STK10: variants seen among roughly 807,000 people sequenced by gnomAD.
STK10 encodes the protein serine/threonine-protein kinase 10.
In STK10, 78 loss-of-function variants were observed where a neutral mutation model predicts 113.8. That is an observed-to-expected ratio of 0.69 (90% confidence interval 0.57 to 0.83). STK10 has a LOEUF of 0.83. STK10 is among the 40% of genes least tolerant of loss of function. STK10 has a pLI of 0.00. For missense variants in STK10, 1,109 were observed against 1,280.1 expected (o/e 0.87, Z 2.04); for synonymous variants, 465 against 494.7 (o/e 0.94, Z 0.80).
At chr5:172,135,499 G>A (rs972388897) in intron 2 of STK10, among the ~76,000 whole-genome samples, 7 of 152,056 alleles carry the variant, frequency 4.6e-5, no homozygotes, top group Non-Finnish European at 7.4e-5. Context: ...GAGACAGAGC[G>A]AGACTCCATC....
rs1581141906 is a variant in STK10 at position 172,074,352 on chromosome 5, C to T, written c.1989+7974G>A. On this transcript the variant is annotated intron_variant, in intron 12 of 18. Transcript: ENST00000176763. ...ATTGGTGAAGGACAGACAAATAGAT[C>T]GGTGAAACAGCAGAGAATCCAGAAA... Among the ~76,000 whole-genome samples the T allele has an allele frequency of 2.6e-5, 4 of 152,120 alleles. No individual in the cohort carries two copies. In the South Asian group the frequency reaches 8.3e-4, roughly 32 times the overall value.
Position 172,047,129 on chromosome 5 carries a change from T to A in STK10, c.2767-2107A>T, listed in dbSNP as rs148892731. Among the ~76,000 whole-genome samples the A allele has an allele frequency of 6.0e-3, 920 of 152,346 alleles. 8 individuals are homozygous for A. Among genetic ancestry groups the A allele is most frequent in the African/African-American group, 0.02 (823 of 41,574 alleles). ...CAGGCTGCTGACCGTAATGCAAGAATGTAAAAGACCATTTATTCTCGAATG... is the reference window on the plus strand; with the variant it reads ...CAGGCTGCTGACCGTAATGCAAGAAAGTAAAAGACCATTTATTCTCGAATG... On this transcript the variant is annotated intron_variant, in intron 18 of 18. Coordinates refer to ENST00000176763, the MANE Select transcript of STK10 (RefSeq NM_005990.4).
chr5:172,086,845 G>A (rs1473262997), intron 10 of STK10, among the ~76,000 whole-genome samples: 1 of 152,190 alleles, frequency 6.6e-6, no homozygotes, highest in Non-Finnish European at 1.5e-5. Flanking sequence ...TTTTGACCCT[G>A]AGTAGCACAC....
chr5:172,184,799 C>T (rs937050210), intron 1 of STK10, among the ~76,000 whole-genome samples: 2 of 151,966 alleles, frequency 1.3e-5, no homozygotes, highest in Non-Finnish European at 2.9e-5. Flanking sequence ...TTATAGGGCA[C>T]GCGCCACCAC....
intron 16 of STK10, 62 bp downstream of exon 16, chr5:172,055,526 C>T (rs1018140897): frequency 5.6e-5 from 75 of 1,337,166 alleles, no homozygotes; most frequent in Non-Finnish European, 6.7e-5. Flanking sequence ...GCCCAGGTCC[C>T]GCCAAACCTG....
intron 17 of STK10, among the ~76,000 whole-genome samples, chr5:172,053,982 C>T (rs562395962): frequency 1.3e-5 from 2 of 152,302 alleles, no homozygotes; most frequent in East Asian, 1.9e-4. Flanking sequence ...AGAGCCGTGC[C>T]GGGCAGGCCT....
chr5:172,125,187 C>T (rs972693605), intron 3 of STK10, among the ~76,000 whole-genome samples: 3 of 152,302 alleles, frequency 2.0e-5, no homozygotes, highest in African/African-American at 4.8e-5. Context: ...CTGGCTCTTT[C>T]GGCATCTGCA....
rs1767388996 is a variant in STK10, at chr5:172,042,237, A to G, written c.*2645T>C. The stretch of plus-strand genomic sequence containing the variant: ...AGTTAGTTACATTTACTCTAAAACC[A>G]GACAGAGGAAAAAAACCCAGTTCTG... On this transcript the variant is annotated 3_prime_UTR_variant, in exon 19 of 19. Coordinates refer to ENST00000176763, the MANE Select transcript of STK10 (RefSeq NM_005990.4). 6.5e-6 allele frequency: 1 copy of G among 152,672 alleles called. No individual in the cohort carries two copies. Among genetic ancestry groups the G allele is most frequent in the South Asian group, 2.1e-4 (1 of 4,836 alleles). The allele number at this position is 152,672 out of a possible 1,614,324, so 9.5% of individuals were successfully genotyped here.
intron 2 of STK10, among the ~76,000 whole-genome samples, chr5:172,132,142 C>T (rs1206244304): frequency 3.3e-5 from 5 of 151,838 alleles, no homozygotes; most frequent in African/African-American, 7.3e-5. Context: ...TGCACTGAGA[C>T]GATGGTAATA....
chr5:172,157,335 G>A (rs1372921990), intron 1 of STK10, among the ~76,000 whole-genome samples: 4 of 152,078 alleles, frequency 2.6e-5, no homozygotes, highest in African/African-American at 9.7e-5. Context: ...AAGGCAGGGA[G>A]ATCACAAGGT....
rs1767389651 is a variant in STK10 at position 172,042,257 on chromosome 5, G to A, written c.*2625C>T. The A allele has an allele frequency of 6.6e-6, 1 of 152,580 alleles. No individual in the cohort carries two copies. The highest frequency in any genetic ancestry group is 2.1e-4 in the South Asian group (1 of 4,830). 9.5% of individuals were successfully genotyped at this position (152,580 alleles called of 1,614,324 possible). A position where few individuals can be genotyped will look rare whatever the true frequency, so the allele number is the denominator to read the frequency against. ...AAACCAGACAGAGGAAAAAAACCCAGTTCTGTCTGTCCCTTATACAGAAAG... is the reference window on the plus strand; with the variant it reads ...AAACCAGACAGAGGAAAAAAACCCAATTCTGTCTGTCCCTTATACAGAAAG... On this transcript the variant is annotated 3_prime_UTR_variant, in exon 19 of 19. Transcript: ENST00000176763.
intron 1 of STK10, among the ~76,000 whole-genome samples, chr5:172,182,737 A>G (rs1770882370): frequency 6.6e-6 from 1 of 151,486 alleles, no homozygotes; most frequent in Admixed American, 6.6e-5. Flanking sequence ...TATTTTCCGT[A>G]GAGACGGGGT....
chr5:172,128,569 G>A (rs1769679864), intron 2 of STK10, among the ~76,000 whole-genome samples: 1 of 152,186 alleles, frequency 6.6e-6, no homozygotes, highest in South Asian at 2.1e-4. Context: ...GACCTCAGGT[G>A]ATCCACCCGC....
rs60720153 is a variant in STK10, at chr5:172,084,126, G to A, written c.1686-1042C>T. Among the ~76,000 whole-genome samples the A allele has an allele frequency of 2.6e-3, 399 of 152,044 alleles. 2 individuals carry two copies. Among genetic ancestry groups the A allele is most frequent in the African/African-American group, 8.9e-3 (370 of 41,460 alleles). On this transcript the variant is annotated intron_variant, in intron 10 of 18. Transcript: ENST00000176763. The stretch of plus-strand genomic sequence containing the variant: ...ATATTAAAAATAATAATTCAGCTGG[G>A]CACAGTGGCTCATACCTGTAATCCC...
At chr5:172,064,869 G>T in intron 12 of STK10, 57 bp from the exon 13 acceptor site, 1 of 1,583,742 alleles carries the variant, frequency 6.3e-7, no homozygotes. Context: ...GCTTCCTACA[G>T]TATAATCTTC....
At chr5:172,071,123 C>T (rs960584140) in intron 12 of STK10, among the ~76,000 whole-genome samples, 11 of 145,740 alleles carry the variant, frequency 7.5e-5, no homozygotes, top group Admixed American at 2.8e-4. Flanking sequence ...GCAGGAGAAT[C>T]GCTTGAACCT....
chr5:172,115,416 A>C (rs1025515240), intron 4 of STK10, among the ~76,000 whole-genome samples: 1 of 152,078 alleles, frequency 6.6e-6, no homozygotes. Context: ...CCGAACCTAC[A>C]TGCACAGAAA....
rs35285608 is a variant in STK10, at chr5:172,170,109, CTCAG to C, written c.157-13325_157-13322del. On this transcript the variant is annotated intron_variant, in intron 1 of 18. Transcript: ENST00000176763. Reference sequence around the variant, plus strand: ...TCTATTACTCTGGTCATGGCAGACACTCAGTATGTATCCTTTTTTTTTTTTTTTT... The same window carrying C: ...TCTATTACTCTGGTCATGGCAGACACTATGTATCCTTTTTTTTTTTTTTTT... Among the ~76,000 whole-genome samples, 622 of 146,032 alleles carry C rather than the reference CTCAG, an allele frequency of 4.3e-3. 5 individuals carry two copies. The highest frequency in any genetic ancestry group is 5.8e-3 in the Non-Finnish European group (388 of 67,424).
At chr5:172,052,233 G>A (rs553567450) in intron 18 of STK10, among the ~76,000 whole-genome samples, 87 of 152,334 alleles carry the variant, frequency 5.7e-4, no homozygotes, top group Non-Finnish European at 1.1e-3. Flanking sequence ...AGGAGGCCAC[G>A]TGATAAGGAG....
Sources: allele counts gnomAD v4.1 joint callset (sites outside exome capture counted in the v4.1 genomes callset), GRCh38; gene constraint gnomAD v4.1.1; transcripts MANE v1.5; gene names NCBI Gene and HGNC (gene_info 2026-07-23, HGNC 2026-07-21).